The following NBEA variants were observed in gnomAD, a reference collection of about 807,000 sequenced individuals.
NBEA encodes the protein neurobeachin, also known as lysosomal-trafficking regulator 2.
NBEA carries 44 observed loss-of-function variants against 343.4 expected under a neutral mutation model. The ratio of observed to expected loss-of-function variants is 0.13; its 90% CI spans 0.10 to 0.16. NBEA has a LOEUF of 0.16. Ranked by LOEUF, NBEA falls within the 10% of genes least tolerant of loss-of-function variation. The probability of loss-of-function intolerance (pLI) is 1.00; values close to 1 mark genes in which losing one functional copy is unlikely to be tolerated. For synonymous variants in NBEA, 1,175 were observed against 1,238.7 expected (o/e 0.95, Z 1.08); for missense variants, 2,555 against 3,631.3 (o/e 0.70, Z 7.62).
At chr13:35,452,482 A>T (rs2046357492) in intron 40 of NBEA, among the ~76,000 whole-genome samples, 1 of 152,218 alleles carries the variant, frequency 6.6e-6, no homozygotes, top group Non-Finnish European at 1.5e-5. Context: ...TTTATATAGA[A>T]GGAATAATAC....
intron 38 of NBEA, among the ~76,000 whole-genome samples, chr13:35,422,080 T>C (rs1279869389): frequency 9.2e-6 from 1 of 108,564 alleles, no homozygotes; most frequent in Non-Finnish European, 1.8e-5. Context: ...TCCGCCATTT[T>C]TTTGTTTGTT....
chr13:35,179,516 C>G (rs920107273), intron 28 of NBEA, among the ~76,000 whole-genome samples: 1 of 149,776 alleles, frequency 6.7e-6, no homozygotes, highest in African/African-American at 2.5e-5. Context: ...GCACAACTGA[C>G]TAGGAGATCT....
chr13:35,153,959 T>C (rs968343652), intron 18 of NBEA, among the ~76,000 whole-genome samples: 1 of 152,230 alleles, frequency 6.6e-6, no homozygotes, highest in Non-Finnish European at 1.5e-5. Flanking sequence ...CTTTAGTATA[T>C]GGTTTTCAAA....
chr13:35,513,302 ATT>A (rs754363500), intron 41 of NBEA, among the ~76,000 whole-genome samples: 1,046 of 72,232 alleles, frequency 0.014, 10 homozygotes, highest in African/African-American at 0.042. Flanking sequence ...ACACCTGGCA[ATT>A]TTTTTTTTTT....
At chr13:35,558,742 G>A (rs2079709148) in intron 44 of NBEA, among the ~76,000 whole-genome samples, 1 of 152,102 alleles carries the variant, frequency 6.6e-6, no homozygotes, top group South Asian at 2.1e-4. Context: ...CAAAAAGTTT[G>A]AGCACAATTG....
chr13:35,455,186 A>G (rs1404460816), intron 40 of NBEA, among the ~76,000 whole-genome samples: 1 of 152,108 alleles, frequency 6.6e-6, no homozygotes, highest in African/African-American at 2.4e-5. Context: ...TGATTAGCAT[A>G]CTACATTTTC....
At chr13:34,985,217 A>G (rs1016853144) in intron 1 of NBEA, among the ~76,000 whole-genome samples, 1 of 150,962 alleles carries the variant, frequency 6.6e-6, no homozygotes, top group African/African-American at 2.4e-5. Flanking sequence ...CGTTCCATTA[A>G]TACCTATTTT....
At chr13:35,117,138 T>C (rs1257869502) in intron 13 of NBEA, among the ~76,000 whole-genome samples, 1 of 151,912 alleles carries the variant, frequency 6.6e-6, no homozygotes, top group Non-Finnish European at 1.5e-5. Context: ...ACTTGGGGAT[T>C]ATACATTTAT....
chr13:35,031,074 A>G (rs563273984), intron 1 of NBEA, among the ~76,000 whole-genome samples: 102 of 151,798 alleles, frequency 6.7e-4, no homozygotes, highest in African/African-American at 2.3e-3. Flanking sequence ...AAATTCTCCA[A>G]TACTCTACAA....
At chr13:35,546,869 A>G (rs1384346487) in intron 41 of NBEA, among the ~76,000 whole-genome samples, 1 of 152,166 alleles carries the variant, frequency 6.6e-6, no homozygotes, top group Non-Finnish European at 1.5e-5. Context: ...TTTTTTAAAT[A>G]AAAATGTATT....
intron 10 of NBEA, 124 bp downstream of exon 10, chr13:35,070,976 AT>A (rs2045024133): frequency 9.1e-7 from 1 of 1,098,724 alleles, no homozygotes; most frequent in Non-Finnish European, 1.2e-6. Context: ...GTAATAAAAA[AT>A]TTTTTAGAAC....
intron 38 of NBEA, among the ~76,000 whole-genome samples, chr13:35,405,979 G>C (rs1211978875): frequency 6.6e-6 from 1 of 152,048 alleles, no homozygotes; most frequent in African/African-American, 2.4e-5. Context: ...AAGAAAAAGA[G>C]TGTATAAGAG....
intron 35 of NBEA, among the ~76,000 whole-genome samples, chr13:35,293,424 A>G (rs557631223): frequency 5.2e-4 from 79 of 151,956 alleles, no homozygotes; most frequent in Admixed American, 5.0e-3. Flanking sequence ...CTTCACTTTT[A>G]TTTTGTATTA....
At chr13:35,074,129 C>T (rs1286225553) in intron 10 of NBEA, among the ~76,000 whole-genome samples, 1 of 152,112 alleles carries the variant, frequency 6.6e-6, no homozygotes, top group African/African-American at 2.4e-5. Context: ...ATTACTAGTA[C>T]AACTTTGTGT....
At chr13:35,552,638 C>G (rs9544624) in intron 43 of NBEA, among the ~76,000 whole-genome samples, 2 of 151,896 alleles carry the variant, frequency 1.3e-5, no homozygotes, top group Non-Finnish European at 2.9e-5. Context: ...TAAGAACTTA[C>G]GAATGGGCCT....
At chr13:35,325,346 A>G (rs2038469611) in intron 36 of NBEA, among the ~76,000 whole-genome samples, 1 of 152,064 alleles carries the variant, frequency 6.6e-6, no homozygotes, top group African/African-American at 2.4e-5. Context: ...AATTGTATGT[A>G]TACAAGATAT....
At chr13:35,600,348 G>A (rs1404471050) in intron 47 of NBEA, among the ~76,000 whole-genome samples, 2 of 152,160 alleles carry the variant, frequency 1.3e-5, no homozygotes, top group Non-Finnish European at 2.9e-5. Flanking sequence ...ATTTTTGCAT[G>A]CCTCACATAA....
At chr13:35,163,633 A>G (rs1203196252) in intron 23 of NBEA, among the ~76,000 whole-genome samples, 1 of 150,892 alleles carries the variant, frequency 6.6e-6, no homozygotes, top group Non-Finnish European at 1.5e-5. Flanking sequence ...AAAAAAAAAA[A>G]TTATATTCTT....
intron 41 of NBEA, among the ~76,000 whole-genome samples, chr13:35,536,669 T>TAGATAGACAGAC (rs1555295329): frequency 6.6e-6 from 1 of 151,656 alleles, no homozygotes; most frequent in African/African-American, 2.4e-5. Flanking sequence ...GATAGATAGA[T>TAGATAGACAGAC]AGACAGACAG....
Sources: gnomAD v4.1 joint callset for allele counts (sites outside exome capture counted in the v4.1 genomes callset) on GRCh38, gnomAD v4.1.1 for gene constraint, MANE v1.5 for transcripts, NCBI Gene and HGNC (gene_info 2026-07-23, HGNC 2026-07-21) for gene names.